The following HECW1 variants were observed in gnomAD, a reference collection of about 807,000 sequenced individuals.
The protein encoded by HECW1 is E3 ubiquitin-protein ligase HECW1.
HECW1 carries 61 observed loss-of-function variants against 182.3 expected under a neutral mutation model. That is an observed-to-expected ratio of 0.33 (90% CI 0.27 to 0.41). The LOEUF is 0.41. Ranked by LOEUF, HECW1 falls within the 10% of genes least tolerant of loss-of-function variation. HECW1 has a pLI of 1.00. For synonymous variants in HECW1, 859 were observed against 832.6 expected (o/e 1.03, Z -0.55); for missense variants, 1,739 against 2,108.9 (o/e 0.82, Z 3.44).
chr7:43,221,342 G>A (rs1584035586), intron 2 of HECW1, among the ~76,000 whole-genome samples: 2 of 151,984 alleles, frequency 1.3e-5, no homozygotes, highest in South Asian at 2.1e-4. Context: ...TTTATATTTT[G>A]ATCTCTTTAG....
chr7:43,121,567 T>C (rs1785618169), intron 2 of HECW1, among the ~76,000 whole-genome samples: 2 of 152,196 alleles, frequency 1.3e-5, no homozygotes, highest in Non-Finnish European at 2.9e-5. Flanking sequence ...AAAATCACTA[T>C]ATTATACATA....
At chr7:43,300,142 A>G (rs549897309) in intron 3 of HECW1, among the ~76,000 whole-genome samples, 3 of 152,310 alleles carry the variant, frequency 2.0e-5, no homozygotes, top group African/African-American at 4.8e-5. Flanking sequence ...TATCCTTTCA[A>G]TTCCCCCATT....
chr7:43,413,998 A>G (rs1256567854), intron 8 of HECW1, among the ~76,000 whole-genome samples: 2 of 150,406 alleles, frequency 1.3e-5, no homozygotes, highest in East Asian at 2.0e-4. Context: ...GAAGAAAGTC[A>G]TTGGTAGCTT....
At chr7:43,368,752 C>T (rs1416170216) in intron 6 of HECW1, among the ~76,000 whole-genome samples, 1 of 152,182 alleles carries the variant, frequency 6.6e-6, no homozygotes, top group African/African-American at 2.4e-5. Context: ...TTTTCTGAAA[C>T]ACCTTTCCCA....
intron 3 of HECW1, among the ~76,000 whole-genome samples, chr7:43,302,259 A>G (rs896335000): frequency 2.4e-4 from 36 of 152,114 alleles, no homozygotes; most frequent in African/African-American, 8.0e-4. Flanking sequence ...AGCTCAGGCC[A>G]TGGATGAGGC....
intron 3 of HECW1, among the ~76,000 whole-genome samples, chr7:43,289,435 C>T (rs1020599613): frequency 1.3e-5 from 2 of 152,208 alleles, no homozygotes; most frequent in Non-Finnish European, 2.9e-5. Flanking sequence ...TCCCTACATG[C>T]AGTGGCAGCT....
chr7:43,200,250 C>G (rs1476284920), intron 2 of HECW1, among the ~76,000 whole-genome samples: 1 of 152,104 alleles, frequency 6.6e-6, no homozygotes, highest in African/African-American at 2.4e-5. Context: ...TTAGAGGTAC[C>G]TTCTATAATT....
chr7:43,157,283 C>A lies in HECW1; in HGVS notation c.-32+42892C>A, dbSNP rs1384145214. ...GAGTTTTCATAGTTGAAAATGAATT[C>A]TTTCCAGTAGATTCTATCAAACATC... On this transcript the variant is annotated intron_variant, in intron 2 of 29. Coordinates refer to ENST00000395891, the MANE Select transcript of HECW1 (RefSeq NM_015052.5). Among the ~76,000 whole-genome samples the A allele has an allele frequency of 4.6e-5, 7 of 152,194 alleles. No individual in the cohort carries two copies. In the East Asian group the frequency reaches 1.4e-3, roughly 29 times the overall value.
intron 2 of HECW1, chr7:43,239,914 G>A (rs927927574): frequency 5.3e-5 from 8 of 152,118 alleles, no homozygotes; most frequent in Admixed American, 6.6e-5. Flanking sequence ...AACCTTACCC[G>A]AACCAGGACT....
intron 6 of HECW1, among the ~76,000 whole-genome samples, chr7:43,362,233 C>A (rs566492623): frequency 1.3e-5 from 2 of 151,630 alleles, no homozygotes; most frequent in East Asian, 3.9e-4. Flanking sequence ...CATTTTGCTG[C>A]TTTGCAAATC....
chr7:43,528,096 C>T (rs73100744), intron 24 of HECW1, among the ~76,000 whole-genome samples: 12 of 152,296 alleles, frequency 7.9e-5, no homozygotes, highest in Non-Finnish European at 1.5e-4. Flanking sequence ...ATTGTTCAGT[C>T]GTTTGACCAT....
At position 43,492,076 on chromosome 7, in the gene HECW1, C is replaced by G; in HGVS notation, c.3236C>G (p.Ala1079Gly). The change falls in exon 18 of 30, where the codon GCC becomes GGC. Residue 1079 changes from alanine to glycine, a missense_variant and splice_region_variant. Transcript: ENST00000395891. ...QRLRSYSAGE[A>G]SEVSRNRGAS... ...CTTATGCTTTTATTCTAAAATTAGG[C>G]CTCAGAAGTTTCTAGAAACAGAGGA... 1.2e-6 allele frequency: 2 copies of G among 1,601,728 alleles called. No homozygotes were observed. Among genetic ancestry groups the G allele is most frequent in the Non-Finnish European group, 1.7e-6 (2 of 1,172,544 alleles).
intron 2 of HECW1, among the ~76,000 whole-genome samples, chr7:43,206,940 C>T (rs992433883): frequency 2.0e-5 from 3 of 152,092 alleles, no homozygotes; most frequent in East Asian, 1.9e-4. Context: ...CTAGGATAGC[C>T]GTTGTATTTT....
At chr7:43,494,235 G>A (rs918329483) in intron 19 of HECW1, among the ~76,000 whole-genome samples, 1 of 151,852 alleles carries the variant, frequency 6.6e-6, no homozygotes, top group African/African-American at 2.4e-5. Flanking sequence ...AGCTGTCCCT[G>A]ATCTCCTCTC....
chr7:43,281,576 C>G (rs1354083515), intron 3 of HECW1, among the ~76,000 whole-genome samples: 1 of 152,172 alleles, frequency 6.6e-6, no homozygotes, highest in Non-Finnish European at 1.5e-5. Flanking sequence ...CCTCTCCAGC[C>G]TCAGCTCTTC....
intron 5 of HECW1, among the ~76,000 whole-genome samples, chr7:43,354,871 A>G (rs1263155641): frequency 1.3e-5 from 2 of 152,168 alleles, no homozygotes; most frequent in African/African-American, 4.8e-5. Context: ...ATAATAATCA[A>G]ACTTTCAAAG....
chr7:43,434,518 A>G (rs762585392), intron 8 of HECW1, among the ~76,000 whole-genome samples: 42 of 152,234 alleles, frequency 2.8e-4, no homozygotes, highest in Non-Finnish European at 4.1e-4. Context: ...AGTAAAGGCC[A>G]AGTCAGGGTA....
intron 5 of HECW1, 103 bp from the exon 6 acceptor site, chr7:43,360,783 G>A (rs1418656867): frequency 1.4e-5 from 12 of 843,168 alleles, no homozygotes; most frequent in Non-Finnish European, 2.2e-5. Flanking sequence ...GCTTGCTCGT[G>A]GGGGAATTAT....
chr7:43,143,511 C>T (rs996302959), intron 2 of HECW1, among the ~76,000 whole-genome samples: 3 of 152,034 alleles, frequency 2.0e-5, no homozygotes, highest in Admixed American at 1.3e-4. Context: ...GTCTTGAACT[C>T]CTGGGCTCAA....
Sources: allele counts gnomAD v4.1 joint callset (sites outside exome capture counted in the v4.1 genomes callset), GRCh38; gene constraint gnomAD v4.1.1; transcripts MANE v1.5; gene names NCBI Gene and HGNC (gene_info 2026-07-23, HGNC 2026-07-21).